The following KRT8 variants were observed in gnomAD, a reference collection of about 807,000 sequenced individuals.
KRT8 encodes the protein keratin 8.
In KRT8, 24 loss-of-function variants were observed where a neutral mutation model predicts 43.0. The ratio of observed to expected loss-of-function variants is 0.56; its 90% confidence interval spans 0.40 to 0.78. The LOEUF (loss-of-function observed/expected upper bound fraction) is 0.78, where lower values mean the gene tolerates loss of function less well. KRT8 is among the 30% of genes least tolerant of loss of function. The pLI is 0.00. For missense variants in KRT8, 492 were observed against 638.4 expected, an observed-to-expected ratio of 0.77 and a Z score of 2.47; for synonymous variants, 214 against 261.2, an observed-to-expected ratio of 0.82 and a Z score of 1.74.
chr12:52,925,028 A>G (rs1042715099), intron 2 of KRT8, among the ~76,000 whole-genome samples: 6 of 152,146 alleles, frequency 3.9e-5, no homozygotes, highest in African/African-American at 1.2e-4. Flanking sequence ...CTGGTCCTAG[A>G]TGGGATCAGG....
intron 1 of KRT8, chr12:52,949,607 A>G: frequency 2.5e-6 from 4 of 1,606,568 alleles, no homozygotes; most frequent in East Asian, 4.5e-5. Context: ...GGTAGGAGGG[A>G]CCTCAACTCC....
chr12:52,938,136 CTATATATATATA>C (rs1161700326), intron 2 of KRT8, among the ~76,000 whole-genome samples: 12 of 44,048 alleles, frequency 2.7e-4, no homozygotes, highest in African/African-American at 9.0e-4. Context: ...CACTAGAAAG[CTATATATATATA>C]TATATATATA....
At chr12:52,934,443 C>T (rs896523142) in intron 2 of KRT8, among the ~76,000 whole-genome samples, 5 of 151,942 alleles carry the variant, frequency 3.3e-5, no homozygotes, top group South Asian at 4.2e-4. Flanking sequence ...ACCTGTAGTC[C>T]CAGCTACTCG....
At chr12:52,931,065 C>A (rs554904064) in intron 2 of KRT8, among the ~76,000 whole-genome samples, 5 of 149,740 alleles carry the variant, frequency 3.3e-5, no homozygotes, top group Non-Finnish European at 5.9e-5. Context: ...GTGTCTCCCC[C>A]AGATTCTTTT....
At chr12:52,930,217 A>ATTTTTTT (rs35917845) in intron 2 of KRT8, among the ~76,000 whole-genome samples, 2 of 146,394 alleles carry the variant, frequency 1.4e-5, no homozygotes, top group Non-Finnish European at 1.5e-5. Context: ...CAATTCTATC[A>ATTTTTTT]TTTTTTTTTT....
chr12:52,947,039 G>A (rs1387232076), intron 2 of KRT8: 1 of 152,408 alleles, frequency 6.6e-6, no homozygotes, highest in East Asian at 1.9e-4. Context: ...CCCTCAGCTG[G>A]TAGCTCGATA....
At chr12:52,913,417 T>C (rs779596915) in intron 2 of KRT8, among the ~76,000 whole-genome samples, 6 of 152,228 alleles carry the variant, frequency 3.9e-5, no homozygotes, top group Non-Finnish European at 7.3e-5. Flanking sequence ...CTCTAAAGAA[T>C]CTGGCTTCAG....
At chr12:52,905,142 A>G (rs985789569), upstream of KRT8, 4 of 1,368,524 alleles carry the variant, frequency 2.9e-6, no homozygotes, top group African/African-American at 5.9e-5. Context: ...CTGAGTGGCT[A>G]GGCCCAGAGG....
chr12:52,925,340 C>T (rs1941968464), intron 2 of KRT8, among the ~76,000 whole-genome samples: 1 of 152,132 alleles, frequency 6.6e-6, no homozygotes, highest in Non-Finnish European at 1.5e-5. Flanking sequence ...CTCCCAGGGG[C>T]TCAGGCTGAG....
chr12:52,930,904 A>T (rs1042193426), intron 2 of KRT8, among the ~76,000 whole-genome samples: 1 of 151,866 alleles, frequency 6.6e-6, no homozygotes, highest in Non-Finnish European at 1.5e-5. Flanking sequence ...ATTTCCACTG[A>T]TTCTCTCTTA....
At chr12:52,927,107 T>G (rs990751500) in intron 2 of KRT8, among the ~76,000 whole-genome samples, 4 of 152,182 alleles carry the variant, frequency 2.6e-5, no homozygotes, top group African/African-American at 7.2e-5. Flanking sequence ...GAAGCTGTGA[T>G]TGTTTCATGG....
chr12:52,936,938 A>G (rs543692174), intron 2 of KRT8, among the ~76,000 whole-genome samples: 1 of 152,350 alleles, frequency 6.6e-6, no homozygotes, highest in African/African-American at 2.4e-5. Context: ...ATAGCCACAG[A>G]CTGGGAGAAA....
chr12:52,941,793 C>T (rs1280880038), intron 2 of KRT8, among the ~76,000 whole-genome samples: 1 of 152,060 alleles, frequency 6.6e-6, no homozygotes, highest in Non-Finnish European at 1.5e-5. Context: ...TGGCTTTTTA[C>T]TCACTTTTTG....
At chr12:52,944,361 G>C (rs1473682163) in intron 2 of KRT8, among the ~76,000 whole-genome samples, 1 of 152,172 alleles carries the variant, frequency 6.6e-6, no homozygotes, top group African/African-American at 2.4e-5. Context: ...CTCTCAAAGT[G>C]CTGGGATTAC....
intron 2 of KRT8, among the ~76,000 whole-genome samples, chr12:52,924,654 G>T (rs536061671): frequency 6.6e-6 from 1 of 152,226 alleles, no homozygotes; most frequent in South Asian, 2.1e-4. Flanking sequence ...AAAGATAATT[G>T]TAAAGATAAT....
At position 52,899,308 on chromosome 12, in the gene KRT8, C is replaced by G. The variant is rs548592968; in HGVS notation, c.982-409G>C. The stretch of plus-strand genomic sequence containing the variant: ...CCAGCCTGGGCGACAGAGCAAGACT[C>G]TGTCTCAAAAATAAATAAATAAATA... On this transcript the variant is annotated intron_variant, in intron 5 of 7. Coordinates refer to ENST00000692008, the Ensembl canonical transcript of KRT8. Among the ~76,000 whole-genome samples the G allele has an allele frequency of 1.4e-4, 21 of 152,176 alleles. No homozygotes were observed. In the East Asian group the frequency reaches 3.1e-3, roughly 22 times the overall value.
chr12:52,898,876 A>G (rs1374520685), exon 6 of KRT8: 2 of 1,613,126 alleles, frequency 1.2e-6, no homozygotes, highest in East Asian at 4.5e-5. Context: ...CGGCATCTGC[A>G]ATGGCGGCCT....
intron 2 of KRT8, among the ~76,000 whole-genome samples, chr12:52,938,170 A>ATATATATTTTTT (rs1555189967): frequency 6.6e-5 from 2 of 30,312 alleles, no homozygotes; most frequent in Non-Finnish European, 1.2e-4. Context: ...ATATATATAT[A>ATATATATTTTTT]TTTTTTTTTT....
At chr12:52,948,978 G>T in intron 2 of KRT8, 1 of 476,142 alleles carries the variant, frequency 2.1e-6, no homozygotes, top group Non-Finnish European at 3.6e-6. Context: ...GGGCGCGGGG[G>T]TGGGGCCCGG....
Sources: gnomAD v4.1 joint callset for allele counts (sites outside exome capture counted in the v4.1 genomes callset) on GRCh38, gnomAD v4.1.1 for gene constraint, MANE v1.5 for transcripts, NCBI Gene and HGNC (gene_info 2026-07-23, HGNC 2026-07-21) for gene names.